ANGPT4: variants seen among roughly 807,000 people sequenced by gnomAD.
The protein encoded by ANGPT4 is angiopoietin 4, also known as angiopoietin-4.
ANGPT4 carries 50 observed loss-of-function variants against 53.0 expected under a neutral mutation model. The observed-to-expected ratio is 0.94, with a 90% CI of 0.75 to 1.20. The LOEUF (loss-of-function observed/expected upper bound fraction) is 1.20, where lower values mean the gene tolerates loss of function less well. Among genes scored for constraint, ANGPT4 ranks in the 50% most tolerant of loss-of-function variants. The pLI is 0.00. For missense variants in ANGPT4, 648 were observed against 637.1 expected (o/e 1.02, Z -0.18); for synonymous variants, 251 against 259.7 (o/e 0.97, Z 0.32).
chr20:888,495 C>T lies in ANGPT4; in HGVS notation c.466-56G>A, dbSNP rs1600051603. The T allele has an allele frequency of 5.1e-6, 8 of 1,557,660 alleles. No homozygotes were observed. The East Asian group carries it at 1.4e-4, about 27-fold the overall frequency. On this transcript the variant is annotated intron_variant, in intron 2 of 8. Transcript: ENST00000381922. ...CTGCGTAAGCGCTACAGGAGCCCTG[C>T]CCAACCACCCACCTGCCCACAGGCC...
intron 7 of ANGPT4, among the ~76,000 whole-genome samples, chr20:876,832 C>T (rs1256014007): frequency 1.3e-5 from 2 of 151,998 alleles, no homozygotes; most frequent in African/African-American, 2.4e-5. Context: ...GGTATGGATC[C>T]CATAAGGAGG....
At chr20:883,967 G>A (rs1981507954) in intron 4 of ANGPT4, among the ~76,000 whole-genome samples, 1 of 152,224 alleles carries the variant, frequency 6.6e-6, no homozygotes, top group Admixed American at 6.5e-5. Context: ...CTGAGATGGA[G>A]CCAGGGTGGA....
chr20:881,868 G>A (rs1310329878), intron 4 of ANGPT4, among the ~76,000 whole-genome samples: 1 of 152,330 alleles, frequency 6.6e-6, no homozygotes, highest in Non-Finnish European at 1.5e-5. Flanking sequence ...AGGCCAGAGA[G>A]GAGGCTGCTA....
At chr20:875,261 C>T (rs1981120176) in intron 7 of ANGPT4, among the ~76,000 whole-genome samples, 1 of 152,154 alleles carries the variant, frequency 6.6e-6, no homozygotes, top group South Asian at 2.1e-4. Context: ...TGTTCCCCAG[C>T]TGATGATGAT....
chr20:879,497 T>C (rs1297423054), intron 6 of ANGPT4, among the ~76,000 whole-genome samples: 1 of 152,194 alleles, frequency 6.6e-6, no homozygotes, highest in Non-Finnish European at 1.5e-5. Flanking sequence ...GAAATGTATA[T>C]GTATTTTTTT....
In ANGPT4 at chr20:916,157, A is replaced by T; in HGVS notation, c.58T>A (p.Ser20Thr). 1 of 1,614,142 alleles carries T rather than the reference A, an allele frequency of 6.2e-7. No homozygotes were observed. Among genetic ancestry groups the T allele is most frequent in the Non-Finnish European group, 8.5e-7 (1 of 1,179,992 alleles). ...GSLLLVVATMSVAQQTRQEAD... is the reference protein window; with the variant it reads ...GSLLLVVATMTVAQQTRQEAD... ...TCCTGCCTTGTCTGTTGAGCCACAG[A>T]CATGGTGGCAACCACAAGGAGGAGG... The change falls in exon 1 of 9, where the codon TCT (serine) becomes ACT (threonine). Residue 20 changes from serine (S) to threonine (T), a missense_variant. Ser to Thr is a moderately conservative substitution (Grantham distance 58). Transcript: ENST00000381922.
At chr20:897,626 G>C (rs1253496090) in intron 1 of ANGPT4, among the ~76,000 whole-genome samples, 1 of 152,120 alleles carries the variant, frequency 6.6e-6, no homozygotes, top group African/African-American at 2.4e-5. Flanking sequence ...CACCTGCCTT[G>C]GTCATTCACC....
intron 1 of ANGPT4, among the ~76,000 whole-genome samples, chr20:891,236 T>G (rs1225019219): frequency 6.6e-6 from 1 of 152,184 alleles, no homozygotes; most frequent in African/African-American, 2.4e-5. Flanking sequence ...AATGCATCTC[T>G]CCCTTGTACA....
At chr20:881,584 G>T (rs1225575001) in intron 4 of ANGPT4, among the ~76,000 whole-genome samples, 1 of 152,208 alleles carries the variant, frequency 6.6e-6, no homozygotes, top group African/African-American at 2.4e-5. Context: ...ATGGGGAGGG[G>T]AACTAAGGCT....
At chr20:881,726 G>A (rs796905827) in intron 4 of ANGPT4, among the ~76,000 whole-genome samples, 1 of 152,164 alleles carries the variant, frequency 6.6e-6, no homozygotes, top group African/African-American at 2.4e-5. Context: ...AAGGAGAGAC[G>A]AAGCTGAGAT....
At chr20:874,868 A>G (rs781339360) in intron 7 of ANGPT4, among the ~76,000 whole-genome samples, 1 of 152,048 alleles carries the variant, frequency 6.6e-6, no homozygotes, top group African/African-American at 2.4e-5. Context: ...ACGGGCCACC[A>G]TGCCCAGCTA....
At chr20:907,739 C>T (rs1477143660) in intron 1 of ANGPT4, among the ~76,000 whole-genome samples, 2 of 152,174 alleles carry the variant, frequency 1.3e-5, no homozygotes, top group Non-Finnish European at 2.9e-5. Flanking sequence ...GGCCTCTTGG[C>T]TAGAGTGATC....
At chr20:879,939 C>A (rs1981331145) in intron 5 of ANGPT4, 91 bp from the exon 6 acceptor site, 2 of 833,456 alleles carry the variant, frequency 2.4e-6, no homozygotes, top group South Asian at 1.9e-5. Flanking sequence ...AGCAGACAGA[C>A]CCCCACAGAG....
At chr20:886,081 G>T (rs745466206) in intron 3 of ANGPT4, among the ~76,000 whole-genome samples, 1 of 151,452 alleles carries the variant, frequency 6.6e-6, no homozygotes, top group Non-Finnish European at 1.5e-5. Flanking sequence ...TTTTGTACAG[G>T]TTCCTGTTGT....
In ANGPT4 at chr20:874,273, C is replaced by G; in HGVS notation, c.1351+11G>C. 1 of 1,613,804 alleles carries G rather than the reference C, an allele frequency of 6.2e-7. No homozygotes were observed. Among genetic ancestry groups the G allele is most frequent in the Non-Finnish European group, 8.5e-7 (1 of 1,179,834 alleles). On this transcript the variant is annotated intron_variant, in intron 8 of 8. Transcript: ENST00000381922. Reference sequence around the variant, plus strand: ...GTGGGTGGGCGGAGCTTCACCCCACCCTGCACCTACCTCCAGACATCACTT... The same window carrying G: ...GTGGGTGGGCGGAGCTTCACCCCACGCTGCACCTACCTCCAGACATCACTT...
intron 1 of ANGPT4, among the ~76,000 whole-genome samples, chr20:891,650 G>A (rs1568840927): frequency 6.6e-6 from 1 of 152,164 alleles, no homozygotes; most frequent in Non-Finnish European, 1.5e-5. Flanking sequence ...TGGGAAGATG[G>A]GTGCTCCCCA....
intron 4 of ANGPT4, 62 bp from the exon 5 acceptor site, chr20:881,348 T>G: frequency 6.9e-7 from 1 of 1,439,818 alleles, no homozygotes; most frequent in Non-Finnish European, 9.7e-7. Flanking sequence ...AGGGGCCAAG[T>G]GGGCATGCCT....
chr20:879,705 G>A, intron 6 of ANGPT4, 42 bp downstream of exon 6: 1 of 1,567,582 alleles, frequency 6.4e-7, no homozygotes, highest in Non-Finnish European at 8.7e-7. Context: ...CCAGCCCCAG[G>A]TTTCAGAGCA....
intron 5 of ANGPT4, among the ~76,000 whole-genome samples, chr20:880,150 A>G (rs1981343502): frequency 6.6e-6 from 1 of 152,170 alleles, no homozygotes; most frequent in Non-Finnish European, 1.5e-5. Flanking sequence ...ATTAAACGAG[A>G]TGAGTCACGT....
Sources: allele counts gnomAD v4.1 joint callset (sites outside exome capture counted in the v4.1 genomes callset), GRCh38; gene constraint gnomAD v4.1.1; transcripts MANE v1.5; gene names NCBI Gene and HGNC (gene_info 2026-07-23, HGNC 2026-07-21).